The following ZNF638 variants were observed in gnomAD, a reference collection of about 807,000 sequenced individuals.
ZNF638 encodes zinc finger protein 638.
In ZNF638, 46 loss-of-function variants were observed where a neutral mutation model predicts 195.6. The observed-to-expected ratio is 0.24, with a 90% CI of 0.19 to 0.30. The LOEUF is 0.30. ZNF638 is among the 10% of genes least tolerant of loss of function. ZNF638 has a pLI of 1.00. For synonymous variants in ZNF638, 845 were observed against 772.0 expected (o/e 1.09, Z -1.57); for missense variants, 2,440 against 2,325.3 (o/e 1.05, Z -1.01).
intron 11 of ZNF638, among the ~76,000 whole-genome samples, chr2:71,397,409 T>C (rs1430475563): frequency 6.6e-6 from 1 of 152,222 alleles, no homozygotes; most frequent in Non-Finnish European, 1.5e-5. Flanking sequence ...TTTGTATTGC[T>C]CTTTTTGAGC....
chr2:71,426,603 C>G lies in ZNF638; in HGVS notation c.4734C>G (p.Asn1578Lys), dbSNP rs778639360. The G allele has an allele frequency of 4.3e-6, 7 of 1,614,040 alleles. No individual in the cohort carries two copies. The South Asian group carries it at 7.7e-5, about 18-fold the overall frequency. ...TLKNVPFSEL[N>K]LKKKKGKTST... ...AAAATGTTCCTTTCTCTGAACTTAA[C>G]TTAAAGAAGAAAAAGGGGAAAACTT... The change falls in exon 24 of 28, where the codon AAC becomes AAG. Residue 1578 changes from asparagine (N) to lysine (K), a missense_variant. By Grantham distance (94) the Asn-to-Lys change is moderately conservative (BLOSUM62 0). Coordinates refer to ENST00000264447, the MANE Select transcript of ZNF638 (RefSeq NM_014497.5).
At chr2:71,407,188 A>C (rs548664742) in intron 19 of ZNF638, 1 of 152,232 alleles carries the variant, frequency 6.6e-6, no homozygotes, top group East Asian at 1.9e-4. Flanking sequence ...CAATATTCAT[A>C]AAAAGCACTT....
At chr2:71,419,974 C>CCCCCCTT (rs1189202093) in intron 21 of ZNF638, among the ~76,000 whole-genome samples, 1 of 27,022 alleles carries the variant, frequency 3.7e-5, no homozygotes, top group Non-Finnish European at 5.8e-5. Context: ...CCCCCCCCGC[C>CCCCCCTT]TTTTTTTTTT....
intron 1 of ZNF638, among the ~76,000 whole-genome samples, chr2:71,343,857 GCGGTGGCT>G (rs1558829294): frequency 7.8e-5 from 9 of 115,500 alleles, no homozygotes; most frequent in South Asian, 6.1e-4. Flanking sequence ...GCCGCCAGGC[GCGGTGGCT>G]CATGCCTGTA....
At chr2:71,418,738 C>A in intron 21 of ZNF638, 99 bp downstream of exon 21, 13 of 822,966 alleles carry the variant, frequency 1.6e-5, no homozygotes, top group Non-Finnish European at 2.4e-5. Flanking sequence ...GTGAAAAGTT[C>A]TTTTCTGCAT....
chr2:71,422,895 T>TGAA lies in ZNF638; in HGVS notation c.3388_3390dup (p.Glu1130dup). 1 of 1,614,040 alleles carries TGAA rather than the reference T, an allele frequency of 6.2e-7. No individual in the cohort carries two copies. The highest frequency in any genetic ancestry group is 8.5e-7 in the Non-Finnish European group (1 of 1,179,980). ...GTCCCTCTGTTAAACCTAATGAGCT[T>TGAA]GAAGAAGAAAGTACTCCCAGCATTC... On this transcript the variant is annotated inframe_insertion, in exon 22 of 28. Transcript: ENST00000264447.
chr2:71,341,498 A>C (rs2078761136), intron 1 of ZNF638, among the ~76,000 whole-genome samples: 1 of 152,084 alleles, frequency 6.6e-6, no homozygotes, highest in Non-Finnish European at 1.5e-5. Context: ...ACTAAAGTAG[A>C]TGAAACTATA....
At chr2:71,363,058 T>C in intron 3 of ZNF638, 95 bp from the exon 4 acceptor site, 1 of 870,124 alleles carries the variant, frequency 1.1e-6, no homozygotes, top group Non-Finnish European at 1.9e-6. Flanking sequence ...CAATAAAAGT[T>C]GTGAAAAGTC....
At chr2:71,372,108 G>T (rs1456686869) in intron 8 of ZNF638, among the ~76,000 whole-genome samples, 3 of 152,038 alleles carry the variant, frequency 2.0e-5, no homozygotes, top group Non-Finnish European at 4.4e-5. Flanking sequence ...ATAGGGTTCA[G>T]GTTCATTAAT....
intron 1 of ZNF638, among the ~76,000 whole-genome samples, chr2:71,347,815 C>A (rs908811485): frequency 6.6e-6 from 1 of 152,184 alleles, no homozygotes; most frequent in Non-Finnish European, 1.5e-5. Flanking sequence ...CTTTTACTCA[C>A]ATCTGTTAAT....
chr2:71,380,580 T>C lies in ZNF638; in HGVS notation c.2377+15T>C, dbSNP rs753385762. The C allele has an allele frequency of 6.3e-7, 1 of 1,592,456 alleles. No homozygotes were observed. Among genetic ancestry groups the C allele is most frequent in the Non-Finnish European group, 8.6e-7 (1 of 1,167,138 alleles). ...AACTTCTGCTGGTAAGTTGTTACTTTTAATATTCTTTCAAATGAGTGTATC... is the reference window on the plus strand; with the variant it reads ...AACTTCTGCTGGTAAGTTGTTACTTCTAATATTCTTTCAAATGAGTGTATC... On this transcript the variant is annotated intron_variant, in intron 10 of 27. Coordinates refer to ENST00000264447, the MANE Select transcript of ZNF638 (RefSeq NM_014497.5).
chr2:71,353,139 A>T (rs1233632227), intron 2 of ZNF638, among the ~76,000 whole-genome samples: 1 of 152,222 alleles, frequency 6.6e-6, no homozygotes, highest in East Asian at 1.9e-4. Flanking sequence ...TAAATTACCA[A>T]TTGTAAACTT....
chr2:71,369,056 T>C (rs1288642499), intron 7 of ZNF638, among the ~76,000 whole-genome samples: 1 of 152,180 alleles, frequency 6.6e-6, no homozygotes, highest in African/African-American at 2.4e-5. Context: ...TAGTTAAGGC[T>C]GGGCGTGTTG....
intron 1 of ZNF638, chr2:71,348,405 C>T (rs1329923581): frequency 6.0e-6 from 6 of 997,756 alleles, no homozygotes; most frequent in East Asian, 1.0e-4. Flanking sequence ...TATTTTAATG[C>T]CTTCATCTTT....
intron 10 of ZNF638, among the ~76,000 whole-genome samples, chr2:71,394,169 A>G (rs1457747204): frequency 1.3e-5 from 2 of 152,158 alleles, no homozygotes; most frequent in Non-Finnish European, 2.9e-5. Flanking sequence ...GGTCATTTAC[A>G]GGGCGACCAT....
chr2:71,401,751 T>C (rs935681352), intron 15 of ZNF638, among the ~76,000 whole-genome samples: 1 of 152,046 alleles, frequency 6.6e-6, no homozygotes, highest in Non-Finnish European at 1.5e-5. Context: ...TAACTACAAT[T>C]AGTCTGTACT....
chr2:71,344,197 A>C (rs919677063), intron 1 of ZNF638, among the ~76,000 whole-genome samples: 3 of 152,206 alleles, frequency 2.0e-5, no homozygotes, highest in Admixed American at 1.3e-4. Context: ...AACTCTCTCC[A>C]ACCCAGAATA....
At chr2:71,353,588 A>C (rs1316848583) in intron 2 of ZNF638, among the ~76,000 whole-genome samples, 1 of 152,214 alleles carries the variant, frequency 6.6e-6, no homozygotes, top group South Asian at 2.1e-4. Context: ...AGTAATGTCA[A>C]TTTGTGAAGC....
chr2:71,424,078 G>C (rs749436103), intron 22 of ZNF638, 40 bp downstream of exon 22: 2 of 1,587,356 alleles, frequency 1.3e-6, no homozygotes, highest in Non-Finnish European at 1.7e-6. Flanking sequence ...TGTCTTTGAA[G>C]TGATTAGCTC....
Sources: gnomAD v4.1 joint callset for allele counts (sites outside exome capture counted in the v4.1 genomes callset) on GRCh38, gnomAD v4.1.1 for gene constraint, MANE v1.5 for transcripts, NCBI Gene and HGNC (gene_info 2026-07-23, HGNC 2026-07-21) for gene names.